The following ATP10A variants were observed in gnomAD, a reference collection of about 807,000 sequenced individuals.
ATP10A encodes the protein phospholipid-transporting ATPase VA.
In ATP10A, 111 loss-of-function variants were observed where a neutral mutation model predicts 147.8. The observed-to-expected ratio is 0.75, with a 90% confidence interval of 0.64 to 0.88. ATP10A has a LOEUF of 0.88. Among genes scored for constraint, ATP10A ranks in the 40% least tolerant of loss-of-function variants. ATP10A has a pLI of 0.00. For missense variants in ATP10A, 1,927 were observed against 1,959.0 expected, an observed-to-expected ratio of 0.98 and a Z score of 0.31; for synonymous variants, 875 against 841.6, an observed-to-expected ratio of 1.04 and a Z score of -0.69.
At chr15:25,712,963 C>A (rs1445106875) in intron 10 of ATP10A, among the ~76,000 whole-genome samples, 2 of 152,304 alleles carry the variant, frequency 1.3e-5, no homozygotes, top group East Asian at 3.9e-4. Context: ...TACTCCCTAG[C>A]TCCAACTCGG....
At chr15:25,776,334 G>C (rs530948197) in intron 2 of ATP10A, among the ~76,000 whole-genome samples, 2 of 152,298 alleles carry the variant, frequency 1.3e-5, no homozygotes, top group South Asian at 2.1e-4. Flanking sequence ...CGGATGGGGT[G>C]GGGGAGGGGA....
chr15:25,718,268 T>G lies in ATP10A; in HGVS notation c.1495A>C (p.Thr499Pro). 6.2e-7 allele frequency: 1 copy of G among 1,612,548 alleles called. No homozygotes were observed. The highest frequency in any genetic ancestry group is 1.1e-5 in the South Asian group (1 of 91,050). ...CTGCCCGTGCGCCGGTGGGACTTGG[T>G]GCTCTGGGTTCTGTGCACCACCCGG... ...SVRVVHRTQS[T>P]KSHRRTGSRA... Residue 499 changes from threonine (T) to proline (P), a missense_variant, in exon 8 of 21, where the codon ACC (threonine) becomes CCC (proline). Coordinates refer to ENST00000555815, the MANE Select transcript of ATP10A (RefSeq NM_024490.4).
Position 25,727,260 on chromosome 15 carries a change from A to C in ATP10A, c.747T>G (p.His249Gln). Residue 249 changes from histidine to glutamine, a missense_variant, in exon 4 of 21, where the codon CAT becomes CAG. Physicochemically the swap from His to Gln is conservative, Grantham distance 24. Coordinates refer to ENST00000555815, the MANE Select transcript of ATP10A (RefSeq NM_024490.4). ...DLSRFRGCII[H>Q]DNGKKAGLYK... is the part of the protein sequence containing the mutation. Reference sequence around the variant, plus strand: ...ACAGCCCGGCCTTTTTCCCGTTGTCATGTATGCTGTAGAGGGACAGTTGGC... The same window carrying C: ...ACAGCCCGGCCTTTTTCCCGTTGTCCTGTATGCTGTAGAGGGACAGTTGGC... 1.9e-6 allele frequency: 3 copies of C among 1,613,416 alleles called. No individual in the cohort carries two copies. The highest frequency in any genetic ancestry group is 8.5e-7 in the Non-Finnish European group (1 of 1,179,598).
chr15:25,685,276 T>C lies in ATP10A; in HGVS notation c.3292-1790A>G, dbSNP rs1008745916. Among the ~76,000 whole-genome samples, 25 of 152,206 alleles carry C rather than the reference T, an allele frequency of 1.6e-4. 1 individual carries two copies. Among genetic ancestry groups the C allele is most frequent in the Admixed American group, 1.3e-3 (20 of 15,278 alleles). ...TCCTTGAACTCCTCATGTAGATTAA[T>C]GCTTGTTAACAAAGGCCTGGCATTT... is the stretch of plus-strand genomic sequence containing the variant. On this transcript the variant is annotated intron_variant, in intron 16 of 20. Coordinates refer to ENST00000555815, the MANE Select transcript of ATP10A (RefSeq NM_024490.4).
intron 1 of ATP10A, among the ~76,000 whole-genome samples, chr15:25,840,540 T>A (rs990696783): frequency 3.9e-5 from 6 of 152,184 alleles, no homozygotes; most frequent in Non-Finnish European, 8.8e-5. Flanking sequence ...CACAGTTTCT[T>A]TAACCACTTA....
intron 1 of ATP10A, among the ~76,000 whole-genome samples, chr15:25,834,475 T>C (rs1892507197): frequency 6.6e-6 from 1 of 152,198 alleles, no homozygotes; most frequent in Non-Finnish European, 1.5e-5. Flanking sequence ...ACCCGATAGA[T>C]GGCTAGAGTC....
At chr15:25,771,348 C>T (rs776451903) in intron 2 of ATP10A, among the ~76,000 whole-genome samples, 1 of 152,088 alleles carries the variant, frequency 6.6e-6, no homozygotes, top group Non-Finnish European at 1.5e-5. Flanking sequence ...TGTAGGAGGA[C>T]TGCTTGAGCC....
chr15:25,732,048 T>C (rs992176228), intron 3 of ATP10A, among the ~76,000 whole-genome samples: 14 of 151,972 alleles, frequency 9.2e-5, no homozygotes, highest in African/African-American at 3.4e-4. Context: ...GTGTGTGTGA[T>C]TTTTGTAGAG....
chr15:25,718,050 T>C (rs1332764773), intron 8 of ATP10A, 132 bp downstream of exon 8: 3 of 935,824 alleles, frequency 3.2e-6, no homozygotes, highest in African/African-American at 3.3e-5. Flanking sequence ...GAAAAGCTTC[T>C]GCTGAGTAGA....
chr15:25,736,995 C>T (rs1391208048), intron 2 of ATP10A, among the ~76,000 whole-genome samples: 3 of 152,140 alleles, frequency 2.0e-5, no homozygotes, highest in Non-Finnish European at 2.9e-5. Context: ...ATGGCTCTGC[C>T]GCAACCACAC....
downstream of ATP10A, among the ~76,000 whole-genome samples, chr15:25,673,276 GC>G (rs370473591): frequency 2.4e-4 from 36 of 152,282 alleles, no homozygotes; most frequent in East Asian, 4.8e-3. Flanking sequence ...GGCGGAGGAG[GC>G]CCCTGCTACC....
chr15:25,815,057 C>T (rs929237229), intron 1 of ATP10A, among the ~76,000 whole-genome samples: 15 of 152,150 alleles, frequency 9.9e-5, no homozygotes, highest in Admixed American at 9.2e-4. Context: ...ACAGAATGTC[C>T]TGCTGGTTGT....
At chr15:25,766,669 C>T (rs898178168) in intron 2 of ATP10A, among the ~76,000 whole-genome samples, 15 of 151,954 alleles carry the variant, frequency 9.9e-5, no homozygotes, top group Admixed American at 8.5e-4. Flanking sequence ...ACTGAGGAAC[C>T]ACACGCTCAA....
chr15:25,860,104 C>T (rs1401291775), intron 1 of ATP10A, among the ~76,000 whole-genome samples: 1 of 152,178 alleles, frequency 6.6e-6, no homozygotes, highest in Non-Finnish European at 1.5e-5. Context: ...TCCTTGGCTG[C>T]TCTGTGCTGT....
intron 2 of ATP10A, among the ~76,000 whole-genome samples, chr15:25,775,765 G>A (rs1228933692): frequency 3.3e-5 from 5 of 152,220 alleles, no homozygotes; most frequent in Non-Finnish European, 7.3e-5. Flanking sequence ...TATTTTCTCA[G>A]TAAATTAACC....
At chr15:25,756,652 AAAAG>A (rs201457361) in intron 2 of ATP10A, among the ~76,000 whole-genome samples, 6 of 149,824 alleles carry the variant, frequency 4.0e-5, no homozygotes, top group Admixed American at 3.3e-4. Flanking sequence ...CAAATAAAAA[AAAAG>A]AAAGAAAGAA....
intron 3 of ATP10A, among the ~76,000 whole-genome samples, chr15:25,735,583 C>A (rs1039755583): frequency 6.6e-6 from 1 of 152,120 alleles, no homozygotes; most frequent in African/African-American, 2.4e-5. Context: ...AACACAAAGG[C>A]AGGAACTTCT....
chr15:25,842,965 T>C (rs1254310176), intron 1 of ATP10A, among the ~76,000 whole-genome samples: 1 of 152,128 alleles, frequency 6.6e-6, no homozygotes, highest in East Asian at 1.9e-4. Flanking sequence ...GCAATCCTCC[T>C]ATCTCAGCCT....
chr15:25,752,271 G>A (rs1305788256), intron 2 of ATP10A, among the ~76,000 whole-genome samples: 1 of 152,174 alleles, frequency 6.6e-6, no homozygotes, highest in Non-Finnish European at 1.5e-5. Context: ...ATCAACAGAT[G>A]AATGAAGAAA....
Sources: gnomAD v4.1 joint callset for allele counts (sites outside exome capture counted in the v4.1 genomes callset) on GRCh38, gnomAD v4.1.1 for gene constraint, MANE v1.5 for transcripts, NCBI Gene and HGNC (gene_info 2026-07-23, HGNC 2026-07-21) for gene names.